The following DNAH10 variants were observed in gnomAD, a reference collection of about 807,000 sequenced individuals.
DNAH10 encodes dynein axonemal heavy chain 10, also known as axonemal beta dynein heavy chain 10.
A neutral mutation model predicts 506.6 loss-of-function variants in DNAH10; 348 were observed. The observed-to-expected ratio is 0.69, with a 90% CI of 0.63 to 0.75. The LOEUF (loss-of-function observed/expected upper bound fraction) is 0.75, where lower values mean the gene tolerates loss of function less well. Among genes scored for constraint, DNAH10 ranks in the 30% least tolerant of loss-of-function variants. The probability of loss-of-function intolerance (pLI) is 0.00; values close to 1 mark genes in which losing one functional copy is unlikely to be tolerated. For synonymous variants in DNAH10, 2,059 were observed against 2,198.6 expected, an observed-to-expected ratio of 0.94 and a Z score of 1.78; for missense variants, 5,179 against 5,787.1, an observed-to-expected ratio of 0.89 and a Z score of 3.41.
chr12:123,781,514 G>A (rs932876286), intron 6 of DNAH10, among the ~76,000 whole-genome samples: 9 of 152,088 alleles, frequency 5.9e-5, no homozygotes, highest in African/African-American at 1.7e-4. Context: ...TGCCCAGGCT[G>A]GAGTGCAGTG....
chr12:123,801,637 T>A (rs79618115), intron 16 of DNAH10, among the ~76,000 whole-genome samples: 2,291 of 152,326 alleles, frequency 0.015, 50 homozygotes, highest in African/African-American at 0.045. Flanking sequence ...TTTCACACTC[T>A]GCAGACCCAA....
intron 32 of DNAH10, 66 bp from the exon 33 acceptor site, chr12:123,847,895 T>C: frequency 6.5e-7 from 1 of 1,536,306 alleles, no homozygotes; most frequent in South Asian, 1.2e-5. Context: ...AGTGATGAAT[T>C]TGGAAATGAC....
At position 123,861,035 on chromosome 12, in the gene DNAH10, A is replaced by G. The variant is rs763248316; in HGVS notation, c.6773A>G (p.Tyr2258Cys). The change falls in exon 39 of 79, where the codon TAC (tyrosine) becomes TGC (cysteine). Residue 2258 changes from tyrosine (Y) to cysteine (C), a missense_variant. By Grantham distance (194) the Tyr-to-Cys change is radical. Around this residue, in one of 3 missense-constraint regions of DNAH10, gnomAD observed 4,844 missense variants for 5,430.5 expected, o/e 0.89. Transcript: ENST00000673944. ...AGGCTTGGGCTGACGACAAAGTTGTACATCCTGAACCCCAAAGCCGTGAGT... is the reference window on the plus strand; with the variant it reads ...AGGCTTGGGCTGACGACAAAGTTGTGCATCCTGAACCCCAAAGCCGTGAGT... The part of the protein sequence containing the change: ...QTKLGLTTKL[Y>C]ILNPKAVSVI... The G allele has an allele frequency of 2.5e-6, 4 of 1,614,010 alleles. No individual in the cohort carries two copies. Among genetic ancestry groups the G allele is most frequent in the Non-Finnish European group, 3.4e-6 (4 of 1,179,892 alleles).
intron 52 of DNAH10, among the ~76,000 whole-genome samples, chr12:123,892,141 T>C (rs1953011496): frequency 6.6e-6 from 1 of 152,230 alleles, no homozygotes; most frequent in African/African-American, 2.4e-5. Flanking sequence ...TAGGCTGTTC[T>C]TGCATTGCTA....
rs747071580 is a variant in DNAH10, at chr12:123,841,555, C to T, written c.5360+10C>T. ...GTGAAGACAGAAGCAGGTAAGGCTG[C>T]GAATGTGGACATGCATTGCTCTATC... On this transcript the variant is annotated intron_variant, in intron 30 of 78. Transcript: ENST00000673944. 4.3e-6 allele frequency: 7 copies of T among 1,610,046 alleles called. No individual in the cohort carries two copies. The highest frequency in any genetic ancestry group is 4.0e-5 in the African/African-American group (3 of 74,826).
chr12:123,882,051 C>A, intron 51 of DNAH10: 1 of 385,862 alleles, frequency 2.6e-6, no homozygotes, highest in Middle Eastern at 6.6e-4. Context: ...AGGGTTACAT[C>A]CTGATAAAAT....
In DNAH10 at chr12:123,783,181, G is replaced by A. The variant is rs138212471; in HGVS notation, c.916G>A (p.Val306Ile). ...TGACCTGGCAGCTGACCCGGAAACC[G>A]TTGACATCTTGGAGCAGTGTGTGAT... ...VSDLAADPET[V>I]DILEQCVINW... The change falls in exon 7 of 79, where the codon GTT (valine) becomes ATT (isoleucine). Residue 306 changes from valine (V) to isoleucine (I), a missense_variant. Val to Ile is a conservative substitution (Grantham distance 29). Coordinates refer to ENST00000673944, the MANE Select transcript of DNAH10 (RefSeq NM_001372106.1). The A allele has an allele frequency of 8.0e-5, 129 of 1,614,046 alleles. 1 individual carries two copies. The highest frequency in any genetic ancestry group is 5.6e-4 in the African/African-American group (42 of 74,904).
At chr12:123,767,569 C>A in intron 1 of DNAH10, 37 bp from the exon 2 acceptor site, 1 of 1,578,108 alleles carries the variant, frequency 6.3e-7, no homozygotes, top group Non-Finnish European at 8.6e-7. Flanking sequence ...TGAACAATTA[C>A]GTTTAATATT....
intron 44 of DNAH10, among the ~76,000 whole-genome samples, chr12:123,871,188 T>A (rs1374428349): frequency 1.3e-5 from 2 of 152,118 alleles, no homozygotes; most frequent in Non-Finnish European, 2.9e-5. Context: ...AGAAGCTGAG[T>A]TTTTGATATC....
rs772652013 is a variant in DNAH10, at chr12:123,902,974, A to C, written c.9676A>C (p.Met3226Leu). Residue 3226 changes from methionine to leucine, a missense_variant, in exon 57 of 79, where the codon ATG becomes CTG. Physicochemically the swap from Met to Leu is conservative, Grantham distance 15 (BLOSUM62 2). This residue lies in a region of DNAH10 where 4,844 missense variants were observed against 5,430.5 expected (regional missense o/e 0.89). Coordinates refer to ENST00000673944, the MANE Select transcript of DNAH10 (RefSeq NM_001372106.1). This position sits in a 1 kb window ranked among gnomAD's most constrained non-coding sequence, Gnocchi z 4.5. ...GAAGAAACTGGCAGAGGAAAAGGCC[A>C]TGGAGATAGAGGAGCAGAACAAAGT... ...EKKKLAEEKA[M>L]EIEEQNKVIA... 1 of 1,592,256 alleles carries C rather than the reference A, an allele frequency of 6.3e-7. No homozygotes were observed.
intron 78 of DNAH10, chr12:123,934,975 TC>T: frequency 1.5e-6 from 1 of 663,710 alleles, no homozygotes; most frequent in Non-Finnish European, 2.5e-6. Context: ...TGCCGGTCCT[TC>T]CAGAGGTGTC....
chr12:123,868,325 C>T (rs1348250291), intron 43 of DNAH10, among the ~76,000 whole-genome samples: 4 of 152,194 alleles, frequency 2.6e-5, no homozygotes, highest in Admixed American at 6.5e-5. Flanking sequence ...AGCCCAGGCC[C>T]TCTGGGTGGT....
chr12:123,851,679 C>G (rs1407862593), intron 35 of DNAH10, among the ~76,000 whole-genome samples: 2 of 152,230 alleles, frequency 1.3e-5, no homozygotes, highest in Non-Finnish European at 2.9e-5. Context: ...TTCACATTCT[C>G]TCTATGGCGT....
chr12:123,768,023 G>T (rs1957112523), intron 2 of DNAH10, among the ~76,000 whole-genome samples: 1 of 152,142 alleles, frequency 6.6e-6, no homozygotes, highest in Admixed American at 6.5e-5. Context: ...CTGGGGGTCA[G>T]GGTGTCCTTG....
intron 16 of DNAH10, 85 bp downstream of exon 16, chr12:123,801,517 CAT>C (rs1958482188): frequency 2.7e-6 from 4 of 1,505,654 alleles, no homozygotes; most frequent in Non-Finnish European, 3.6e-6. Context: ...TTACCATTTT[CAT>C]ATGTTTATAG....
Position 123,867,791 on chromosome 12 carries a change from T to G in DNAH10, c.7303-112T>G, listed in dbSNP as rs10846565. The G allele has an allele frequency of 0.43, 563,130 of 1,319,076 alleles. 123,582 individuals carry two copies. Among genetic ancestry groups the G allele is most frequent in the Middle Eastern group, 0.45 (2,372 of 5,330 alleles). 81.7% of individuals were successfully genotyped at this position (1,319,076 alleles called of 1,614,324 possible). A position where few individuals can be genotyped will look rare whatever the true frequency, so the allele number is the denominator to read the frequency against. The stretch of plus-strand genomic sequence containing the variant: ...GTTCCATCTGTCTGAACCAACATGT[T>G]GGGTCTTATGCTCCCATCGCTCTGG... On this transcript the variant is annotated intron_variant, in intron 42 of 78. Transcript: ENST00000673944.
rs769408877 is a variant in DNAH10, at chr12:123,841,425, A to G, written c.5240A>G (p.Lys1747Arg). The stretch of plus-strand genomic sequence containing the variant: ...GAAGGAGAAGTCATGGAGTTTCGGA[A>G]GATCTTGCGGGCTGAAGGGCGCGTG... ...SAEGEVMEFR[K>R]ILRAEGRVED... is the part of the protein sequence containing the mutation. Residue 1747 changes from lysine (K) to arginine (R), a missense_variant, in exon 30 of 79, where the codon AAG becomes AGG. Transcript: ENST00000673944. The G allele has an allele frequency of 3.7e-6, 6 of 1,613,906 alleles. No individual in the cohort carries two copies. In the African/African-American group the frequency reaches 8.0e-5, roughly 22 times the overall value.
intron 57 of DNAH10, among the ~76,000 whole-genome samples, chr12:123,904,522 TG>T (rs906466249): frequency 2.6e-5 from 4 of 151,312 alleles, no homozygotes; most frequent in Admixed American, 6.6e-5. Flanking sequence ...GGTGGAGGAG[TG>T]GGGGGGAGCT....
intron 21 of DNAH10, among the ~76,000 whole-genome samples, chr12:123,817,537 T>C (rs1229773760): frequency 6.6e-6 from 1 of 152,216 alleles, no homozygotes; most frequent in East Asian, 1.9e-4. Flanking sequence ...AGAATTTCCA[T>C]TTTAAAAACA....
Sources: gnomAD v4.1 joint callset for allele counts (sites outside exome capture counted in the v4.1 genomes callset) on GRCh38, gnomAD v4.1.1 for gene constraint, gnomAD v4.1.1 regional missense constraint, Gnocchi (gnomAD v3.1) non-coding constraint, MANE v1.5 for transcripts, NCBI Gene and HGNC (gene_info 2026-07-23, HGNC 2026-07-21) for gene names.